TTN: variants seen among roughly 807,000 people sequenced by gnomAD.
TTN encodes titin.
A neutral mutation model predicts 3,223.0 loss-of-function variants in TTN; 1,525 were observed. The ratio of observed to expected loss-of-function variants is 0.47; its 90% CI spans 0.45 to 0.49. TTN has a LOEUF of 0.49. Among genes scored for constraint, TTN ranks in the 20% least tolerant of loss-of-function variants. TTN has a pLI of 0.00. For missense variants in TTN, 40,786 were observed against 43,424.0 expected, an observed-to-expected ratio of 0.94 and a Z score of 5.40; for synonymous variants, 14,094 against 15,161.0, an observed-to-expected ratio of 0.93 and a Z score of 5.17.
At chr2:178,799,992 G>T in intron 4 of TTN, 82 bp from the exon 5 acceptor site, 1 of 1,470,348 alleles carries the variant, frequency 6.8e-7, no homozygotes, top group Non-Finnish European at 9.4e-7. Context: ...TGACTACAAA[G>T]TCAAAAAGAT....
rs1383656849 is a variant in TTN at position 178,615,416 on chromosome 2, C to G, written c.48529G>C (p.Asp16177His). The G allele has an allele frequency of 1.2e-6, 2 of 1,612,566 alleles. No homozygotes were observed. Among genetic ancestry groups the G allele is most frequent in the East Asian group, 4.5e-5 (2 of 44,758 alleles). The change falls in exon 259 of 363, where the codon GAT becomes CAT. Residue 16177 changes from aspartate (D) to histidine (H), a missense_variant. Coordinates refer to ENST00000589042, the MANE Select transcript of TTN (RefSeq NM_001267550.2). ...RTANSIFLTW[D>H]PPKNDGGSRI... ...GAACCACCATCATTTTTAGGTGGAT[C>G]CCATGTTAAGAAGATGCTATTGGCT...
chr2:178,805,820 T>C (rs1212014932), intron 1 of TTN, among the ~76,000 whole-genome samples: 1 of 152,212 alleles, frequency 6.6e-6, no homozygotes, highest in Non-Finnish European at 1.5e-5. Flanking sequence ...AAAAGGCCTA[T>C]GCTTTCATAA....
rs1453850244 is a variant in TTN, at chr2:178,572,323, C to T, written c.73809G>A (p.Leu24603=). ...VLAENEYGIG[L]PAETAESVKA... ...TCACAGATTCTGCGGTTTCAGCAGG[C>T]AGCCCAATGCCATATTCATTTTCTG... Residue 24603 remains leucine, a synonymous_variant, in exon 326 of 363, where the codon CTG becomes CTA. Transcript: ENST00000589042. 1 of 1,610,710 alleles carries T rather than the reference C, an allele frequency of 6.2e-7. No individual in the cohort carries two copies.
At position 178,637,152 on chromosome 2, in the gene TTN, T is replaced by TAC. The variant is rs2060555718; in HGVS notation, c.40927+216_40927+217insGT. Among the ~76,000 whole-genome samples, 5 of 75,116 alleles carry TAC rather than the reference T, an allele frequency of 6.7e-5. No homozygotes were observed. In the South Asian group the frequency reaches 2.1e-3, roughly 32 times the overall value. The allele number at this position is 75,116 out of a possible 152,430, so 49.3% of individuals were successfully genotyped here. ...CTATGCTAAAATATAGTTGGATATATATATATATATATATATATATATATA... is the reference window on the plus strand; with the variant it reads ...CTATGCTAAAATATAGTTGGATATATACATATATATATATATATATATATATA... On this transcript the variant is annotated intron_variant, in intron 224 of 362. Transcript: ENST00000589042.
chr2:178,684,774 T>C, intron 130 of TTN, 25 bp from the exon 131 acceptor site: 1 of 1,603,394 alleles, frequency 6.2e-7, no homozygotes, highest in East Asian at 2.2e-5. Context: ...GGCAATACCA[T>C]CAAACATACG....
chr2:178,756,554 A>G lies in TTN; in HGVS notation c.10922T>C (p.Ile3641Thr), dbSNP rs141027782. The stretch of plus-strand genomic sequence containing the variant: ...CTTAGATAGCTCAGTGCTTTCTGCA[A>G]TTTGTGAAAGGGATGCAGTATGGCA... ...QLCHTASLSQ[I>T]AESTELSKEC... The change falls in exon 46 of 363, where the codon ATT becomes ACT. Residue 3641 changes from isoleucine to threonine, a missense_variant. By Grantham distance (89) the Ile-to-Thr change is moderately conservative. Coordinates refer to ENST00000589042, the MANE Select transcript of TTN (RefSeq NM_001267550.2). The G allele has an allele frequency of 8.3e-5, 134 of 1,611,622 alleles. No individual in the cohort carries two copies. In the African/African-American group the frequency reaches 1.2e-3, roughly 15 times the overall value.
intron 218 of TTN, among the ~76,000 whole-genome samples, chr2:178,643,813 A>G (rs1021366500): frequency 1.3e-5 from 2 of 151,976 alleles, no homozygotes; most frequent in African/African-American, 4.8e-5. Flanking sequence ...GAGTGACCAG[A>G]AACAGTCTTA....
At chr2:178,790,620 G>T (rs2093434465) in intron 11 of TTN, 88 bp downstream of exon 11, 2 of 1,597,666 alleles carry the variant, frequency 1.3e-6, no homozygotes, top group Non-Finnish European at 8.6e-7. Context: ...AAGTGAAGAA[G>T]TGATGATTAA....
chr2:178,534,513 G>A lies in TTN; in HGVS notation c.102102C>T (p.Phe34034=), dbSNP rs377354934. Reference sequence around the variant, plus strand: ...TAATCTCTTTGAATGCTTCCTCATCGAAAGTATATTCAGCATTCATGATAT... The same window carrying A: ...TAATCTCTTTGAATGCTTCCTCATCAAAAGTATATTCAGCATTCATGATAT... ...IENIMNAEYT[F]DEEAFKEISI... Residue 34034 remains phenylalanine, a synonymous_variant, in exon 358 of 363, where the codon TTC becomes TTT. Coordinates refer to ENST00000589042, the MANE Select transcript of TTN (RefSeq NM_001267550.2). 56 of 1,613,624 alleles carry A rather than the reference G, an allele frequency of 3.5e-5. No individual in the cohort carries two copies. The highest frequency in any genetic ancestry group is 3.1e-4 in the African/African-American group (23 of 74,888).
chr2:178,556,692 G>C (rs1348786621), intron 330 of TTN, 156 bp downstream of exon 330: 1 of 826,568 alleles, frequency 1.2e-6, no homozygotes, highest in Non-Finnish European at 1.9e-6. Context: ...GGTATTTAAG[G>C]AATTTTCCTC....
Position 178,594,541 on chromosome 2 carries a change from TTAA to T in TTN, c.57950_57952del (p.Ile19317del). On this transcript the variant is annotated inframe_deletion, in exon 296 of 363. Coordinates refer to ENST00000589042, the MANE Select transcript of TTN (RefSeq NM_001267550.2). ...AATGAGCCGACTTTCTAGGACATAG[TTAA>T]TAATTTCTGACCCACCATCATACTT... is the stretch of plus-strand genomic sequence containing the variant. 1 of 1,613,360 alleles carries T rather than the reference TTAA, an allele frequency of 6.2e-7. No homozygotes were observed. The highest frequency in any genetic ancestry group is 8.5e-7 in the Non-Finnish European group (1 of 1,179,508).
In TTN at chr2:178,675,651, C is replaced by A. The variant is rs2067921363; in HGVS notation, c.34537+20G>T. ...TCAACATCGGTGCAGCAAACATATC[C>A]CTGTTATGGGATGATGTACCTTTGG... On this transcript the variant is annotated intron_variant, in intron 149 of 362. Coordinates refer to ENST00000589042, the MANE Select transcript of TTN (RefSeq NM_001267550.2). The A allele has an allele frequency of 1.4e-6, 2 of 1,395,128 alleles. No homozygotes were observed. Among genetic ancestry groups the A allele is most frequent in the African/African-American group, 2.9e-5 (2 of 68,960 alleles). The allele number at this position is 1,395,128 out of a possible 1,614,324, so 86.4% of individuals were successfully genotyped here. A position where few individuals can be genotyped will look rare whatever the true frequency, so the allele number is the denominator to read the frequency against.
rs749315462 is a variant in TTN at position 178,733,722 on chromosome 2, C to A, written c.15667G>T (p.Ala5223Ser). The change falls in exon 53 of 363, where the codon GCA becomes TCA. Residue 5223 changes from alanine (A) to serine (S), a missense_variant. Transcript: ENST00000589042. ...KIKMSFSNGV[A>S]VLIIPDVQIS... ...TGAACATCAGGGATTATCAAGACTG[C>A]AACACCATTGGAAAAGCTCATTTTG... 6.2e-7 allele frequency: 1 copy of A among 1,613,872 alleles called. No homozygotes were observed. Among genetic ancestry groups the A allele is most frequent in the African/African-American group, 1.3e-5 (1 of 75,050 alleles).
In TTN at chr2:178,733,532, A is replaced by G; in HGVS notation, c.15776-15T>C. The G allele has an allele frequency of 6.2e-7, 1 of 1,604,960 alleles. No homozygotes were observed. Among genetic ancestry groups the G allele is most frequent in the Non-Finnish European group, 8.5e-7 (1 of 1,174,228 alleles). On this transcript the variant is annotated splice_polypyrimidine_tract_variant and intron_variant, in intron 53 of 362. Coordinates refer to ENST00000589042, the MANE Select transcript of TTN (RefSeq NM_001267550.2). Reference sequence around the variant, plus strand: ...TTTGGCAGGTTCTACAATGGTATGAAATAGTTAGCACCCTAAATGCTTGTT... The same window carrying G: ...TTTGGCAGGTTCTACAATGGTATGAGATAGTTAGCACCCTAAATGCTTGTT...
intron 43 of TTN, among the ~76,000 whole-genome samples, chr2:178,761,540 T>C (rs1486601614): frequency 6.6e-6 from 1 of 152,326 alleles, no homozygotes; most frequent in South Asian, 2.1e-4. Flanking sequence ...TTTCTCATCA[T>C]AGGATGCCAC....
At chr2:178,674,073 GA>G (rs1560272970) in intron 151 of TTN, among the ~76,000 whole-genome samples, 1 of 151,616 alleles carries the variant, frequency 6.6e-6, no homozygotes, top group African/African-American at 2.4e-5. Flanking sequence ...GGCCTGGTCA[GA>G]AAAAAATTCA....
chr2:178,707,474 A>T (rs982857940), intron 100 of TTN, 52 bp downstream of exon 100: 3 of 1,525,250 alleles, frequency 2.0e-6, no homozygotes, highest in Non-Finnish European at 2.7e-6. Context: ...TAAGCAAATA[A>T]ACATGAGTGG....
In TTN at chr2:178,542,555, C is replaced by G. The variant is rs1371025709; in HGVS notation, c.97201G>C (p.Gly32401Arg). 2.5e-6 allele frequency: 4 copies of G among 1,600,950 alleles called. No individual in the cohort carries two copies. Among genetic ancestry groups the G allele is most frequent in the Admixed American group, 3.4e-5 (2 of 59,480 alleles). The change falls in exon 349 of 363, where the codon GGT becomes CGT. Residue 32401 changes from glycine (G) to arginine (R), a missense_variant. Coordinates refer to ENST00000589042, the MANE Select transcript of TTN (RefSeq NM_001267550.2). ...ATCTTAATAGGTCCTGTTGGTGGAC[C>G]AGGCTTGTCTATGAAAGAGAAGAAA... ...TIKVIILDKPGPPTGPIKIDE... is the reference protein window; with the variant it reads ...TIKVIILDKPRPPTGPIKIDE...
chr2:178,640,478 G>A lies in TTN; in HGVS notation c.40723+63C>T, dbSNP rs557948427. ...GTTCAAATCTTGATGTCAGTGTAAT[G>A]ATATTTTAAATGATACATATTTGCA... On this transcript the variant is annotated intron_variant, in intron 221 of 362. Coordinates refer to ENST00000589042, the MANE Select transcript of TTN (RefSeq NM_001267550.2). The A allele has an allele frequency of 5.8e-6, 8 of 1,390,530 alleles. No individual in the cohort carries two copies. In the South Asian group the frequency reaches 9.6e-5, roughly 17 times the overall value. The allele number at this position is 1,390,530 out of a possible 1,614,324, so 86.1% of individuals were successfully genotyped here.
Sources: gnomAD v4.1 joint callset for allele counts (sites outside exome capture counted in the v4.1 genomes callset) on GRCh38, gnomAD v4.1.1 for gene constraint, MANE v1.5 for transcripts, NCBI Gene and HGNC (gene_info 2026-07-23, HGNC 2026-07-21) for gene names.